Variants in NCKAP5 observed in about 807,000 individuals in gnomAD.
NCKAP5 encodes NCK associated protein 5.
NCKAP5 carries 92 observed loss-of-function variants against 167.0 expected under a neutral mutation model. That is an observed-to-expected ratio of 0.55 (90% CI 0.47 to 0.66). NCKAP5 has a LOEUF of 0.66. NCKAP5 is among the 30% of genes least tolerant of loss of function. NCKAP5 has a pLI of 0.00. For synonymous variants in NCKAP5, 891 were observed against 877.4 expected, an observed-to-expected ratio of 1.02 and a Z score of -0.27; for missense variants, 2,378 against 2,315.0, an observed-to-expected ratio of 1.03 and a Z score of -0.56.
At chr2:132,954,541 G>A (rs1413379065) in intron 8 of NCKAP5, 4 of 408,100 alleles carry the variant, frequency 9.8e-6, no homozygotes, top group African/African-American at 4.1e-5. Flanking sequence ...AACAAGGTAA[G>A]CAGCCAACAG....
chr2:132,795,972 T>C (rs1684572988), intron 12 of NCKAP5, among the ~76,000 whole-genome samples: 1 of 151,622 alleles, frequency 6.6e-6, no homozygotes, highest in South Asian at 2.1e-4. Context: ...TCTTTATGAA[T>C]GTTTAAAGTG....
At position 132,671,910 on chromosome 2, in the gene NCKAP5, A is replaced by G. The variant is rs1475584731; in HGVS notation, c.*1379T>C. On this transcript the variant is annotated 3_prime_UTR_variant, in exon 20 of 20. Coordinates refer to ENST00000409261, the MANE Select transcript of NCKAP5 (RefSeq NM_207363.3). ...TTTAAGATAAAATAAAACAAATTGC[A>G]CAAATTAACCAAATAACACTGATCA... 1 of 152,678 alleles carries G rather than the reference A, an allele frequency of 6.5e-6. No homozygotes were observed. Among genetic ancestry groups the G allele is most frequent in the African/African-American group, 2.4e-5 (1 of 41,464 alleles). 9.5% of individuals were successfully genotyped at this position (152,678 alleles called of 1,614,324 possible). A position where few individuals can be genotyped will look rare whatever the true frequency, so the allele number is the denominator to read the frequency against.
intron 11 of NCKAP5, among the ~76,000 whole-genome samples, chr2:132,838,339 A>T (rs1197695855): frequency 1.3e-5 from 2 of 152,066 alleles, no homozygotes; most frequent in African/African-American, 4.8e-5. Flanking sequence ...CTAAAAACTT[A>T]ATGAAATCGG....
At chr2:133,224,424 C>A (rs2086794986) in intron 4 of NCKAP5, among the ~76,000 whole-genome samples, 1 of 152,186 alleles carries the variant, frequency 6.6e-6, no homozygotes, top group Non-Finnish European at 1.5e-5. Context: ...TCGCATGTTC[C>A]AGATCTTGAC....
At chr2:132,927,484 T>C (rs1172826393) in intron 8 of NCKAP5, among the ~76,000 whole-genome samples, 2 of 152,164 alleles carry the variant, frequency 1.3e-5, no homozygotes, top group East Asian at 3.8e-4. Flanking sequence ...TATTAAGTCT[T>C]CTGATCCATG....
At chr2:132,794,249 TATATATATATATATAGAG>T (rs1453818604) in intron 12 of NCKAP5, among the ~76,000 whole-genome samples, 44 of 60,292 alleles carry the variant, frequency 7.3e-4, no homozygotes, top group African/African-American at 2.7e-3. Flanking sequence ...TATATATATA[TATATATATATATATAGAG>T]AGAGAGAGAG....
chr2:132,908,293 T>C (rs368029331), intron 8 of NCKAP5, among the ~76,000 whole-genome samples: 2 of 152,250 alleles, frequency 1.3e-5, no homozygotes, highest in South Asian at 2.1e-4. Context: ...ACAACATGGT[T>C]TTTAGGTGCT....
intron 8 of NCKAP5, among the ~76,000 whole-genome samples, chr2:132,946,691 G>A (rs1329157042): frequency 3.9e-5 from 6 of 152,154 alleles, no homozygotes; most frequent in Non-Finnish European, 7.3e-5. Flanking sequence ...GAGCTCAGAA[G>A]TTCAAGGCCA....
At chr2:133,142,280 C>A (rs2149841942) in intron 5 of NCKAP5, among the ~76,000 whole-genome samples, 1 of 152,196 alleles carries the variant, frequency 6.6e-6, no homozygotes, top group East Asian at 1.9e-4. Flanking sequence ...GACACAGTCA[C>A]CAGAGGAAGC....
At chr2:133,033,893 A>G (rs2078961113) in intron 6 of NCKAP5, among the ~76,000 whole-genome samples, 1 of 152,142 alleles carries the variant, frequency 6.6e-6, no homozygotes, top group Admixed American at 6.5e-5. Flanking sequence ...CAAAAGAACA[A>G]ATCTAAGAGT....
intron 8 of NCKAP5, among the ~76,000 whole-genome samples, chr2:132,893,161 C>T (rs557024827): frequency 1.5e-4 from 23 of 152,260 alleles, no homozygotes; most frequent in Middle Eastern, 3.4e-3. Context: ...ACATGGCAAG[C>T]GTTGGTAAGA....
intron 3 of NCKAP5, among the ~76,000 whole-genome samples, chr2:133,359,292 G>GC (rs1186579691): frequency 6.6e-6 from 1 of 152,092 alleles, no homozygotes; most frequent in Non-Finnish European, 1.5e-5. Context: ...TCTTACAACT[G>GC]CCCCACTTCA....
intron 3 of NCKAP5, among the ~76,000 whole-genome samples, chr2:133,364,755 T>G (rs1685344479): frequency 6.6e-6 from 1 of 151,892 alleles, no homozygotes; most frequent in Non-Finnish European, 1.5e-5. Flanking sequence ...TTGTGTCTTT[T>G]TTTTTTCTTT....
chr2:133,155,582 A>G (rs1363646259), intron 5 of NCKAP5, among the ~76,000 whole-genome samples: 2 of 152,200 alleles, frequency 1.3e-5, no homozygotes, highest in East Asian at 3.8e-4. Context: ...GGCCACCAGT[A>G]CCCAGATATT....
intron 3 of NCKAP5, among the ~76,000 whole-genome samples, chr2:133,430,828 G>T (rs1690111639): frequency 6.6e-6 from 1 of 151,616 alleles, no homozygotes; most frequent in Non-Finnish European, 1.5e-5. Context: ...GTTATCACTG[G>T]GTCCTTAAGG....
At chr2:133,529,227 T>C (rs868161284) in intron 2 of NCKAP5, among the ~76,000 whole-genome samples, 17 of 152,346 alleles carry the variant, frequency 1.1e-4, no homozygotes, top group African/African-American at 3.8e-4. Flanking sequence ...TAGAGTATAA[T>C]ATGAAAATTG....
chr2:132,878,941 C>G, intron 8 of NCKAP5, 25 bp from the exon 9 acceptor site: 1 of 1,567,464 alleles, frequency 6.4e-7, no homozygotes, highest in South Asian at 1.1e-5. Flanking sequence ...AAAAATAACA[C>G]AAATAAATCA....
chr2:132,838,862 TC>T (rs2105408994), intron 11 of NCKAP5, among the ~76,000 whole-genome samples: 1 of 152,312 alleles, frequency 6.6e-6, no homozygotes, highest in Non-Finnish European at 1.5e-5. Flanking sequence ...CTCCTTGGTA[TC>T]CGTAACAGTA....
the NCKAP5 span, among the ~76,000 whole-genome samples, chr2:133,614,649 T>A: frequency 6.6e-6 from 1 of 152,062 alleles, no homozygotes. Flanking sequence ...TGGGACTATG[T>A]GAAAAGACCA....
Sources: allele counts gnomAD v4.1 joint callset (sites outside exome capture counted in the v4.1 genomes callset), GRCh38; gene constraint gnomAD v4.1.1; transcripts MANE v1.5; gene names NCBI Gene and HGNC (gene_info 2026-07-23, HGNC 2026-07-21).